Variants in DACH2 observed in about 807,000 individuals in gnomAD.
The protein encoded by DACH2 is dachshund family transcription factor 2.
A neutral mutation model predicts 35.8 loss-of-function variants in DACH2; 17 were observed. The ratio of observed to expected loss-of-function variants is 0.48; its 90% CI spans 0.33 to 0.71. DACH2 has a LOEUF of 0.71. Among genes scored for constraint, DACH2 ranks in the 30% least tolerant of loss-of-function variants. The pLI is 0.02. For synonymous variants in DACH2, 195 were observed against 177.3 expected, an observed-to-expected ratio of 1.10 and a Z score of -0.79; for missense variants, 469 against 472.7, an observed-to-expected ratio of 0.99 and a Z score of 0.07.
intron 7 of DACH2, among the ~76,000 whole-genome samples, chrX:86,753,177 T>A (rs1487541471): frequency 9.0e-6 from 1 of 110,938 alleles, no homozygotes; most frequent in African/African-American, 3.3e-5. Context: ...GTCTGTTATA[T>A]GTGTTATTAC....
chrX:86,795,775 A>G (rs1169151697), intron 7 of DACH2, among the ~76,000 whole-genome samples: 5 of 110,250 alleles, frequency 4.5e-5, no homozygotes, highest in Non-Finnish European at 9.5e-5. Context: ...TGGTGGGTTC[A>G]TGGTCTCACT....
chrX:86,753,351 G>T (rs1431522559), intron 7 of DACH2, among the ~76,000 whole-genome samples: 1 of 111,415 alleles, frequency 9.0e-6, no homozygotes, highest in Non-Finnish European at 1.9e-5. Flanking sequence ...CTGGGAAAAA[G>T]AATAAAAAAG....
chrX:86,262,711 C>T (rs2033648957), intron 1 of DACH2, among the ~76,000 whole-genome samples: 1 of 111,430 alleles, frequency 9.0e-6, no homozygotes, highest in Non-Finnish European at 1.9e-5. Context: ...TACAGTTTAT[C>T]TTCTGAGCTG....
At chrX:86,748,655 A>G (rs1464266796) in intron 7 of DACH2, among the ~76,000 whole-genome samples, 1 of 111,790 alleles carries the variant, frequency 8.9e-6, no homozygotes. Context: ...AGAATTTGGC[A>G]TAACTCTTAA....
At chrX:86,673,644 G>T (rs780362365) in intron 4 of DACH2, among the ~76,000 whole-genome samples, 1 of 111,211 alleles carries the variant, frequency 9.0e-6, no homozygotes, top group Non-Finnish European at 1.9e-5. Flanking sequence ...TGTTGAGAAG[G>T]GGTGATTGTA....
At chrX:86,788,362 G>A (rs1378722428) in intron 7 of DACH2, among the ~76,000 whole-genome samples, 1 of 110,756 alleles carries the variant, frequency 9.0e-6, no homozygotes, top group Non-Finnish European at 1.9e-5. Context: ...TAGAGAGACA[G>A]CTTAACAACC....
intron 1 of DACH2, among the ~76,000 whole-genome samples, chrX:86,250,414 G>A (rs111295207): frequency 1.8e-3 from 198 of 111,187 alleles, no homozygotes; most frequent in Non-Finnish European, 3.1e-3. Context: ...ATTTCAATAT[G>A]TGCCTATTAC....
intron 2 of DACH2, among the ~76,000 whole-genome samples, chrX:86,463,240 G>A (rs1409832371): frequency 9.1e-6 from 1 of 109,908 alleles, no homozygotes; most frequent in Non-Finnish European, 1.9e-5. Context: ...AAAATCATGA[G>A]AATATATGTA....
intron 7 of DACH2, among the ~76,000 whole-genome samples, chrX:86,770,277 G>A (rs997469561): frequency 7.2e-5 from 8 of 111,042 alleles, no homozygotes; most frequent in African/African-American, 2.6e-4. Flanking sequence ...AAAACCTGTG[G>A]AGTCCAAGAT....
chrX:86,436,366 G>GTA (rs59478677), intron 2 of DACH2, among the ~76,000 whole-genome samples: 102 of 83,757 alleles, frequency 1.2e-3, no homozygotes, highest in Non-Finnish European at 1.6e-3. Context: ...GGTGATATAT[G>GTA]TATATATATA....
intron 2 of DACH2, among the ~76,000 whole-genome samples, chrX:86,458,589 T>A (rs1372897051): frequency 4.5e-5 from 5 of 111,938 alleles, no homozygotes; most frequent in African/African-American, 1.6e-4. Flanking sequence ...TAACACAGCA[T>A]TTTTGTTCTC....
intron 1 of DACH2, among the ~76,000 whole-genome samples, chrX:86,316,973 C>T (rs1397517234): frequency 9.1e-6 from 1 of 109,724 alleles, no homozygotes; most frequent in Non-Finnish European, 1.9e-5. Flanking sequence ...CAAAAATTAG[C>T]AGAGTGTTGT....
At chrX:86,672,646 G>A (rs761768170) in intron 4 of DACH2, among the ~76,000 whole-genome samples, 11 of 112,208 alleles carry the variant, frequency 9.8e-5, no homozygotes, top group Non-Finnish European at 1.5e-4. Flanking sequence ...GGCAAGAGTT[G>A]AGGCTTGGGG....
intron 2 of DACH2, among the ~76,000 whole-genome samples, chrX:86,382,972 T>G (rs2148110719): frequency 9.0e-6 from 1 of 110,906 alleles, no homozygotes; most frequent in African/African-American, 3.3e-5. Flanking sequence ...CATCCTGTTT[T>G]TAGTTTAAGC....
chrX:86,639,532 G>A (rs1320203056), intron 3 of DACH2, among the ~76,000 whole-genome samples: 1 of 111,568 alleles, frequency 9.0e-6, no homozygotes, highest in Non-Finnish European at 1.9e-5. Flanking sequence ...ATACCCCTAG[G>A]AAAGAGGCTG....
At chrX:86,644,820 C>T (rs1298113415) in intron 3 of DACH2, among the ~76,000 whole-genome samples, 5 of 111,053 alleles carry the variant, frequency 4.5e-5, no homozygotes, top group Admixed American at 9.6e-5. Context: ...GGGGAAAAGA[C>T]TCCCTATTTC....
At chrX:86,431,499 C>T (rs545276548) in intron 2 of DACH2, among the ~76,000 whole-genome samples, 13 of 111,249 alleles carry the variant, frequency 1.2e-4, no homozygotes, top group East Asian at 5.7e-4. Context: ...TGATGGAGAG[C>T]ATGAAAGATC....
chrX:86,521,216 T>G (rs1358061642), intron 3 of DACH2, among the ~76,000 whole-genome samples: 3 of 111,980 alleles, frequency 2.7e-5, no homozygotes, highest in African/African-American at 9.7e-5. Flanking sequence ...TTAAGAATGT[T>G]GAATGTAGGC....
At chrX:86,374,415 G>C (rs2148099455) in intron 1 of DACH2, among the ~76,000 whole-genome samples, 1 of 110,940 alleles carries the variant, frequency 9.0e-6, no homozygotes, top group South Asian at 3.8e-4. Flanking sequence ...ATATGGGAAG[G>C]CTCTCTCTAC....
Sources: gnomAD v4.1 joint callset for allele counts (sites outside exome capture counted in the v4.1 genomes callset) on GRCh38, gnomAD v4.1.1 for gene constraint, MANE v1.5 for transcripts, NCBI Gene and HGNC (gene_info 2026-07-23, HGNC 2026-07-21) for gene names.